Variants in CLIP1 observed in about 807,000 individuals in gnomAD.
CLIP1 encodes the protein CAP-Gly domain-containing linker protein 1.
CLIP1 carries 66 observed loss-of-function variants against 161.6 expected under a neutral mutation model. The ratio of observed to expected loss-of-function variants is 0.41; its 90% CI spans 0.33 to 0.50. CLIP1 has a LOEUF of 0.50. Among genes scored for constraint, CLIP1 ranks in the 20% least tolerant of loss-of-function variants. The pLI is 0.27. For synonymous variants in CLIP1, 598 were observed against 626.2 expected, an observed-to-expected ratio of 0.96 and a Z score of 0.67; for missense variants, 1,376 against 1,702.0, an observed-to-expected ratio of 0.81 and a Z score of 3.37.
intron 1 of CLIP1, among the ~76,000 whole-genome samples, chr12:122,415,253 G>A (rs919721913): frequency 2.6e-4 from 40 of 151,656 alleles, no homozygotes; most frequent in African/African-American, 8.9e-4. Flanking sequence ...AGGCAGAGGC[G>A]GGCGGATCAC....
chr12:122,373,796 TAC>T (rs2136732998), intron 3 of CLIP1, among the ~76,000 whole-genome samples: 1 of 152,230 alleles, frequency 6.6e-6, no homozygotes, highest in East Asian at 1.9e-4. Context: ...GCCCCAAATC[TAC>T]AGTCTACAAT....
chr12:122,380,758 G>A (rs893440578), intron 1 of CLIP1, among the ~76,000 whole-genome samples, 200 bp from the exon 2 acceptor site: 1 of 151,946 alleles, frequency 6.6e-6, no homozygotes, highest in African/African-American at 2.4e-5. Flanking sequence ...CTATCCTCAA[G>A]ACAAGCAGTT....
chr12:122,285,430 C>T (rs1370540047), intron 21 of CLIP1, among the ~76,000 whole-genome samples: 2 of 152,070 alleles, frequency 1.3e-5, no homozygotes, highest in Non-Finnish European at 2.9e-5. Flanking sequence ...TTTCACCTTT[C>T]ACCATGTTAG....
chr12:122,350,514 G>A lies in CLIP1; in HGVS notation c.1401+597C>T, dbSNP rs548883913. On this transcript the variant is annotated intron_variant, in intron 9 of 25. Coordinates refer to ENST00000620786, the MANE Select transcript of CLIP1 (RefSeq NM_001247997.2). The stretch of plus-strand genomic sequence containing the variant: ...CATGCTATTGTCTTCATTGACAAAC[G>A]CTTGCCTCTAGTTTTGCAACTAAGG... Among the ~76,000 whole-genome samples, 6 of 152,182 alleles carry A rather than the reference G, an allele frequency of 3.9e-5. No individual in the cohort carries two copies. In the South Asian group the frequency reaches 1.2e-3, roughly 32 times the overall value.
intron 1 of CLIP1, among the ~76,000 whole-genome samples, chr12:122,413,672 T>G (rs766353612): frequency 6.6e-6 from 1 of 152,202 alleles, no homozygotes; most frequent in Non-Finnish European, 1.5e-5. Context: ...GAGAATAAAC[T>G]TCCCCAGGGT....
intron 3 of CLIP1, chr12:122,364,743 CT>C: frequency 4.7e-6 from 3 of 640,154 alleles, no homozygotes; most frequent in Non-Finnish European, 8.7e-6. Context: ...CCTGCTTCGC[CT>C]TTCGGCCGGA....
At chr12:122,300,133 A>G (rs912899076) in intron 20 of CLIP1, among the ~76,000 whole-genome samples, 1 of 152,064 alleles carries the variant, frequency 6.6e-6, no homozygotes, top group Non-Finnish European at 1.5e-5. Context: ...AGCCAGGCAT[A>G]GTGGTATGTG....
intron 2 of CLIP1, among the ~76,000 whole-genome samples, 176 bp from the exon 3 acceptor site, chr12:122,378,136 G>T (rs991494493): frequency 6.6e-6 from 1 of 152,212 alleles, no homozygotes; most frequent in Admixed American, 6.5e-5. Context: ...GCCCAGGCTA[G>T]AATGCAGTGG....
chr12:122,354,356 C>T (rs564442847), intron 7 of CLIP1, 97 bp downstream of exon 7: 1 of 817,056 alleles, frequency 1.2e-6, no homozygotes, highest in African/African-American at 1.7e-5. Context: ...GATTGCACCA[C>T]TGCACTGCAG....
Position 122,271,552 on chromosome 12 carries a change from A to C in CLIP1, c.*1323T>G, listed in dbSNP as rs1955185776. On this transcript the variant is annotated 3_prime_UTR_variant, in exon 26 of 26. Transcript: ENST00000620786. ...ATTACATTTATAACCAAAAATTTCA[A>C]CTGGTACCAGATTGAATATTCACTG... 6.6e-6 allele frequency: 1 copy of C among 152,658 alleles called. No homozygotes were observed. Among genetic ancestry groups the C allele is most frequent in the Admixed American group, 6.5e-5 (1 of 15,272 alleles). The allele number at this position is 152,658 out of a possible 1,614,324, so 9.5% of individuals were successfully genotyped here.
intron 1 of CLIP1, among the ~76,000 whole-genome samples, chr12:122,412,642 G>A (rs937017967): frequency 2.6e-5 from 4 of 151,892 alleles, no homozygotes; most frequent in Admixed American, 6.6e-5. Flanking sequence ...GTGACAGAGC[G>A]AGACTCCGTC....
intron 21 of CLIP1, among the ~76,000 whole-genome samples, chr12:122,286,235 C>T (rs1955845813): frequency 1.3e-5 from 2 of 151,948 alleles, no homozygotes; most frequent in Admixed American, 1.3e-4. Context: ...AAAGAGCAGA[C>T]AGGCCAGGCG....
chr12:122,390,215 TATATATACACAC>T (rs1305901266), intron 1 of CLIP1, among the ~76,000 whole-genome samples: 1 of 133,924 alleles, frequency 7.5e-6, no homozygotes, highest in African/African-American at 2.7e-5. Context: ...TATACACACA[TATATATACACAC>T]ATATATACAC....
intron 11 of CLIP1, 80 bp downstream of exon 11, chr12:122,340,673 T>G: frequency 1.7e-6 from 2 of 1,172,060 alleles, no homozygotes; most frequent in Non-Finnish European, 1.2e-6. Context: ...GGAAGATGAA[T>G]GATCTCAACT....
chr12:122,420,328 A>G (rs1956898800), intron 1 of CLIP1, among the ~76,000 whole-genome samples: 1 of 151,894 alleles, frequency 6.6e-6, no homozygotes, highest in Non-Finnish European at 1.5e-5. Flanking sequence ...CTAGGCAACA[A>G]GAGTGAAATT....
Position 122,401,946 on chromosome 12 carries a change from G to A in CLIP1, c.-107+20575C>T, listed in dbSNP as rs1017209550. 1.3e-4 allele frequency among the ~76,000 whole-genome samples: 19 copies of A among 151,776 alleles called. No individual in the cohort carries two copies. In the South Asian group the frequency reaches 3.1e-3, roughly 25 times the overall value. On this transcript the variant is annotated intron_variant, in intron 1 of 25. Coordinates refer to ENST00000620786, the MANE Select transcript of CLIP1 (RefSeq NM_001247997.2). ...TGGGAGGTGGGGGTTGCAGTGAGCC[G>A]AGATTTTGCCATTGCACTCCAGCCT...
At chr12:122,380,255 AAAT>A in intron 2 of CLIP1, 110 bp downstream of exon 2, 1 of 708,426 alleles carries the variant, frequency 1.4e-6, no homozygotes, top group Admixed American at 3.5e-5. Flanking sequence ...AAAAAAAAAA[AAAT>A]CTTTCAAATA....
At chr12:122,320,318 T>C (rs1308523391) in intron 17 of CLIP1, among the ~76,000 whole-genome samples, 1 of 148,416 alleles carries the variant, frequency 6.7e-6, no homozygotes, top group African/African-American at 2.5e-5. Flanking sequence ...TAAATGAAAA[T>C]ATAGCTAGGC....
At chr12:122,420,035 A>T (rs1051796147) in intron 1 of CLIP1, among the ~76,000 whole-genome samples, 1 of 151,786 alleles carries the variant, frequency 6.6e-6, no homozygotes, top group African/African-American at 2.4e-5. Flanking sequence ...AGGTAAAAAA[A>T]ATTTTTTTTA....
Sources: allele counts gnomAD v4.1 joint callset (sites outside exome capture counted in the v4.1 genomes callset), GRCh38; gene constraint gnomAD v4.1.1; transcripts MANE v1.5; gene names NCBI Gene and HGNC (gene_info 2026-07-23, HGNC 2026-07-21).